Variants in GRIA2 observed in about 807,000 individuals in gnomAD.
GRIA2 encodes glutamate receptor 2.
A neutral mutation model predicts 97.3 loss-of-function variants in GRIA2; 14 were observed. The observed-to-expected ratio is 0.14, with a 90% CI of 0.10 to 0.23. GRIA2 has a LOEUF of 0.23. Ranked by LOEUF, GRIA2 falls within the 10% of genes least tolerant of loss-of-function variation. GRIA2 has a pLI of 1.00. For synonymous variants in GRIA2, 412 were observed against 387.8 expected (o/e 1.06, Z -0.73); for missense variants, 558 against 1,069.8 (o/e 0.52, Z 6.67).
chr4:157,311,833 T>G lies in GRIA2; in HGVS notation c.470-846T>G, dbSNP rs10025086. On this transcript the variant is annotated intron_variant, in intron 3 of 15. Transcript: ENST00000264426. ...ATGAAAGACAAGTTTATGTAGCATG[T>G]CTCCAAGTGCTAAACTGAGGATATA... 3.1e-3 allele frequency among the ~76,000 whole-genome samples: 476 copies of G among 151,792 alleles called. 2 individuals are homozygous for G. The highest frequency in any genetic ancestry group is 0.011 in the African/African-American group (465 of 41,424).
intron 2 of GRIA2, among the ~76,000 whole-genome samples, chr4:157,283,238 T>C (rs1257073497): frequency 6.6e-6 from 1 of 152,012 alleles, no homozygotes; most frequent in Admixed American, 6.6e-5. Flanking sequence ...ATTATTAATA[T>C]AGTGACCCCA....
intron 1 of GRIA2, 159 bp downstream of exon 1, chr4:157,221,289 A>G (rs1325568364): frequency 1.6e-6 from 1 of 610,510 alleles, no homozygotes; most frequent in Non-Finnish European, 2.9e-6. Context: ...CTTAGGATGA[A>G]GCAAAAGGAA....
intron 2 of GRIA2, among the ~76,000 whole-genome samples, chr4:157,294,200 T>G (rs537412615): frequency 3.3e-5 from 5 of 151,974 alleles, no homozygotes; most frequent in Non-Finnish European, 5.9e-5. Context: ...TGTCTTTTTT[T>G]TTTTTGTATT....
chr4:157,304,219 G>A (rs1733741791), intron 3 of GRIA2, among the ~76,000 whole-genome samples: 1 of 152,092 alleles, frequency 6.6e-6, no homozygotes, highest in Non-Finnish European at 1.5e-5. Context: ...CATTATTATT[G>A]CCCTTGCCTT....
chr4:157,223,445 C>A (rs1193703710), intron 2 of GRIA2, among the ~76,000 whole-genome samples: 1 of 152,126 alleles, frequency 6.6e-6, no homozygotes, highest in Non-Finnish European at 1.5e-5. Context: ...CTTTGAAAAA[C>A]GTCCGTAATA....
At position 157,340,321 on chromosome 4, in the gene GRIA2, A is replaced by G. The variant is rs1451973939; in HGVS notation, c.1845-943A>G. Among the ~76,000 whole-genome samples the G allele has an allele frequency of 6.6e-5, 10 of 151,948 alleles. 1 individual carries two copies. ...TTAGTTTTATTGGTTTGTCAATATCACTTAAATACTTAGTTACGTGCAGAA... is the reference window on the plus strand; with the variant it reads ...TTAGTTTTATTGGTTTGTCAATATCGCTTAAATACTTAGTTACGTGCAGAA... On this transcript the variant is annotated intron_variant, in intron 11 of 15. Coordinates refer to ENST00000264426, the MANE Select transcript of GRIA2 (RefSeq NM_001083619.3).
At chr4:157,355,926 T>TTA (rs1736293061) in intron 12 of GRIA2, among the ~76,000 whole-genome samples, 1 of 55,542 alleles carries the variant, frequency 1.8e-5, no homozygotes, top group African/African-American at 7.5e-5. Context: ...AATATATTTA[T>TTA]ATATATTTAT....
chr4:157,327,389 G>T (rs2126919825), intron 6 of GRIA2, among the ~76,000 whole-genome samples: 1 of 152,248 alleles, frequency 6.6e-6, no homozygotes, highest in East Asian at 1.9e-4. Flanking sequence ...AAAGCAATGA[G>T]TTACTTTAGT....
intron 6 of GRIA2, among the ~76,000 whole-genome samples, chr4:157,328,090 A>C: frequency 6.6e-6 from 1 of 152,082 alleles, no homozygotes. Flanking sequence ...TAAACTTATA[A>C]ATTTTATATT....
intron 2 of GRIA2, among the ~76,000 whole-genome samples, chr4:157,271,960 A>G (rs1480913416): frequency 1.3e-5 from 2 of 152,138 alleles, no homozygotes; most frequent in African/African-American, 4.8e-5. Flanking sequence ...TAGAACTGGA[A>G]AAAAGGACTT....
In GRIA2 at chr4:157,231,226, A is replaced by G. The variant is rs1374338930; in HGVS notation, c.229+9419A>G. Among the ~76,000 whole-genome samples, 8 of 152,160 alleles carry G rather than the reference A, an allele frequency of 5.3e-5. No individual in the cohort carries two copies. In the East Asian group the frequency reaches 1.5e-3, roughly 29 times the overall value. On this transcript the variant is annotated intron_variant, in intron 2 of 15. Coordinates refer to ENST00000264426, the MANE Select transcript of GRIA2 (RefSeq NM_001083619.3). ...GCTAATTTTTTGTATTTTAGTAGAGATGGGGTTTCACCGTGTTGCCTAGGC... is the reference window on the plus strand; with the variant it reads ...GCTAATTTTTTGTATTTTAGTAGAGGTGGGGTTTCACCGTGTTGCCTAGGC...
At chr4:157,279,169 T>C (rs1341102623) in intron 2 of GRIA2, among the ~76,000 whole-genome samples, 1 of 152,120 alleles carries the variant, frequency 6.6e-6, no homozygotes, top group Non-Finnish European at 1.5e-5. Flanking sequence ...TTTATAGAAG[T>C]TTTATTCCTA....
intron 9 of GRIA2, chr4:157,334,582 T>TA (rs1323434779): frequency 2.6e-5 from 4 of 155,146 alleles, no homozygotes; most frequent in African/African-American, 9.6e-5. Context: ...CAGCACTGGT[T>TA]GGCACATAGC....
chr4:157,307,505 C>G (rs1294174606), intron 3 of GRIA2, among the ~76,000 whole-genome samples: 1 of 152,186 alleles, frequency 6.6e-6, no homozygotes, highest in Non-Finnish European at 1.5e-5. Context: ...GTGGCAACAG[C>G]CTGACACTCC....
chr4:157,331,279 C>A (rs576640291), intron 6 of GRIA2, among the ~76,000 whole-genome samples: 1 of 151,966 alleles, frequency 6.6e-6, no homozygotes, highest in South Asian at 2.1e-4. Flanking sequence ...TCAAGCTAAT[C>A]ATATTTTTTT....
At chr4:157,253,494 A>G (rs188946344) in intron 2 of GRIA2, among the ~76,000 whole-genome samples, 12 of 152,200 alleles carry the variant, frequency 7.9e-5, no homozygotes, top group African/African-American at 2.9e-4. Context: ...GGGGTCCTTA[A>G]TAATTTTTAA....
chr4:157,361,253 G>A lies in GRIA2; in HGVS notation c.2406+129G>A. On this transcript the variant is annotated intron_variant, in intron 14 of 15. Transcript: ENST00000264426. This position sits in a 1 kb window ranked among gnomAD's most constrained non-coding sequence, Gnocchi z 5.2. ...GCTGAAGAGTGCAATTGGATGACCAGGACACTTGACTTCTTCTTTCTTTCT... is the reference window on the plus strand; with the variant it reads ...GCTGAAGAGTGCAATTGGATGACCAAGACACTTGACTTCTTCTTTCTTTCT... 1 of 697,782 alleles carries A rather than the reference G, an allele frequency of 1.4e-6. No homozygotes were observed. The allele number at this position is 697,782 out of a possible 1,614,324, so 43.2% of individuals were successfully genotyped here.
chr4:157,294,867 C>T (rs1401235501), intron 2 of GRIA2, among the ~76,000 whole-genome samples: 1 of 151,964 alleles, frequency 6.6e-6, no homozygotes, highest in Non-Finnish European at 1.5e-5. Flanking sequence ...CATAGAGTGC[C>T]CAGAACTCAC....
At chr4:157,325,838 C>T (rs1011992321) in intron 6 of GRIA2, among the ~76,000 whole-genome samples, 2 of 152,200 alleles carry the variant, frequency 1.3e-5, no homozygotes, top group African/African-American at 2.4e-5. Context: ...TAGCTACCAC[C>T]ATAGGATTAT....
Sources: gnomAD v4.1 joint callset for allele counts (sites outside exome capture counted in the v4.1 genomes callset) on GRCh38, gnomAD v4.1.1 for gene constraint, Gnocchi (gnomAD v3.1) non-coding constraint, MANE v1.5 for transcripts, NCBI Gene and HGNC (gene_info 2026-07-23, HGNC 2026-07-21) for gene names.